The following AGBL1 variants were observed in gnomAD, a reference collection of about 807,000 sequenced individuals.
The protein encoded by AGBL1 is cytosolic carboxypeptidase 4.
Under a neutral mutation model 118.9 loss-of-function variants are expected in AGBL1, and 130 were observed. That is an observed-to-expected ratio of 1.09 (90% CI 0.95 to 1.26). The LOEUF is 1.26. Ranked by LOEUF, AGBL1 falls within the 50% of genes most tolerant of loss-of-function variation. AGBL1 has a pLI of 0.00. For synonymous variants in AGBL1, 555 were observed against 478.9 expected (o/e 1.16, Z -2.08); for missense variants, 1,584 against 1,298.1 (o/e 1.22, Z -3.38).
chr15:86,187,744 CT>C (rs2077655679), intron 5 of AGBL1, among the ~76,000 whole-genome samples: 1 of 152,196 alleles, frequency 6.6e-6, no homozygotes. Context: ...GTGACTATGA[CT>C]TTCACTGCTC....
intron 22 of AGBL1, among the ~76,000 whole-genome samples, chr15:86,884,284 A>C (rs549531729): frequency 1.3e-5 from 2 of 152,182 alleles, no homozygotes; most frequent in South Asian, 4.1e-4. Flanking sequence ...TAGTATACAC[A>C]GGGTGGGTTC....
chr15:86,868,413 C>T (rs1397667574), intron 22 of AGBL1, among the ~76,000 whole-genome samples: 1 of 152,146 alleles, frequency 6.6e-6, no homozygotes, highest in African/African-American at 2.4e-5. Context: ...TTAGAAAATC[C>T]TTTATGACTT....
intron 23 of AGBL1, among the ~76,000 whole-genome samples, chr15:86,960,437 A>G (rs553812217): frequency 1.3e-5 from 2 of 152,200 alleles, no homozygotes; most frequent in South Asian, 4.1e-4. Context: ...GATCAGATTC[A>G]AGTAGAGCTT....
chr15:86,720,330 A>G (rs568625522), intron 22 of AGBL1, among the ~76,000 whole-genome samples: 60 of 152,332 alleles, frequency 3.9e-4, no homozygotes, highest in African/African-American at 1.4e-3. Flanking sequence ...GGGGTCATCA[A>G]TGATTTCTTC....
chr15:86,722,888 A>C (rs962874440), intron 22 of AGBL1, among the ~76,000 whole-genome samples: 28 of 152,312 alleles, frequency 1.8e-4, no homozygotes, highest in African/African-American at 5.3e-4. Context: ...ATGCAGCCAA[A>C]AGACACATGA....
chr15:86,609,284 A>G (rs1475363886), intron 21 of AGBL1, among the ~76,000 whole-genome samples: 2 of 152,202 alleles, frequency 1.3e-5, no homozygotes, highest in Non-Finnish European at 2.9e-5. Context: ...CAAGAAAATC[A>G]GAAAGGAGGA....
intron 6 of AGBL1, among the ~76,000 whole-genome samples, chr15:86,233,443 T>C: frequency 6.6e-6 from 1 of 151,206 alleles, no homozygotes; most frequent in Non-Finnish European, 1.5e-5. Context: ...AAGCAAACAA[T>C]GGGGAGTAAG....
At chr15:86,727,038 G>C (rs149267204) in intron 22 of AGBL1, among the ~76,000 whole-genome samples, 1 of 152,056 alleles carries the variant, frequency 6.6e-6, no homozygotes, top group Non-Finnish European at 1.5e-5. Context: ...TGCAGAACAC[G>C]TTTAAACTCC....
chr15:86,130,036 C>T (rs181403499), intron 1 of AGBL1, among the ~76,000 whole-genome samples: 23 of 152,168 alleles, frequency 1.5e-4, no homozygotes, highest in African/African-American at 5.5e-4. Flanking sequence ...GTCATGGTGC[C>T]GTCTTAAGTT....
At chr15:86,140,486 C>T (rs1320047730) in intron 1 of AGBL1, among the ~76,000 whole-genome samples, 1 of 152,054 alleles carries the variant, frequency 6.6e-6, no homozygotes, top group Non-Finnish European at 1.5e-5. Context: ...ATGAAAGACC[C>T]CTTGTGCCAG....
intron 21 of AGBL1, among the ~76,000 whole-genome samples, chr15:86,633,614 G>A (rs2142443119): frequency 6.6e-6 from 1 of 151,636 alleles, no homozygotes; most frequent in East Asian, 1.9e-4. Flanking sequence ...TAAGTGGAAT[G>A]AATTAATCCC....
intron 22 of AGBL1, among the ~76,000 whole-genome samples, chr15:86,889,643 G>C (rs183209649): frequency 1.5e-3 from 227 of 152,168 alleles, no homozygotes; most frequent in Admixed American, 4.0e-3. Context: ...GAGAACATGT[G>C]GTGTTTGGTT....
chr15:86,997,801 C>G (rs1043399569), intron 24 of AGBL1, among the ~76,000 whole-genome samples: 9 of 151,508 alleles, frequency 5.9e-5, no homozygotes, highest in African/African-American at 2.2e-4. Context: ...AATATAAACA[C>G]CTGAACTGTG....
At chr15:86,403,060 A>G (rs16976779) in intron 18 of AGBL1, among the ~76,000 whole-genome samples, 5,337 of 152,220 alleles carry the variant, frequency 0.035, 193 homozygotes, top group African/African-American at 0.093. Context: ...TTCTTAGAGC[A>G]GAAGTGATAA....
At chr15:86,381,706 G>A (rs2081114870) in intron 17 of AGBL1, among the ~76,000 whole-genome samples, 1 of 152,192 alleles carries the variant, frequency 6.6e-6, no homozygotes, top group South Asian at 2.1e-4. Context: ...GTAACCAGAA[G>A]TCCAAGGGAG....
rs909305726 is a variant in AGBL1 at position 86,397,526 on chromosome 15, A to G, written c.2535A>G (p.Pro845=). 6.2e-7 allele frequency: 1 copy of G among 1,610,528 alleles called. No homozygotes were observed. Among genetic ancestry groups the G allele is most frequent in the East Asian group, 2.2e-5 (1 of 44,846 alleles). ...TCAAGATCATACCCATGCTCAACCC[A>G]GATGGTGTCATCAACGGCAAGTATG... ...FIFKIIPMLN[P]DGVINGNHRC... The change falls in exon 18 of 23, where the codon CCA becomes CCG. Residue 845 remains proline, a synonymous_variant. Transcript: ENST00000614907.
rs549778379 is a variant in AGBL1, at chr15:86,535,224, C to T, written c.2686-10778C>T. 5.9e-5 allele frequency among the ~76,000 whole-genome samples: 9 copies of T among 152,292 alleles called. No homozygotes were observed. In the South Asian group the frequency reaches 1.7e-3, roughly 28 times the overall value. ...CAGAAAGATCCAGCCAGAGAGGCGG[C>T]CTATAAGCAGAGAAGCCCAAAGAAG... On this transcript the variant is annotated intron_variant, in intron 19 of 22. Transcript: ENST00000614907.
chr15:86,616,374 G>GAAAAAAAAAAAAAAAAA (rs2084725990), intron 21 of AGBL1, among the ~76,000 whole-genome samples: 2 of 142,390 alleles, frequency 1.4e-5, no homozygotes, highest in African/African-American at 5.6e-5. Context: ...AAAAAAAAAT[G>GAAAAAAAAAAAAAAAAA]AAGATGGAAA....
chr15:86,816,042 T>C (rs528695107), intron 22 of AGBL1, among the ~76,000 whole-genome samples: 4 of 152,204 alleles, frequency 2.6e-5, no homozygotes, highest in East Asian at 3.9e-4. Flanking sequence ...GCCAGAAATA[T>C]GGGATAAGGA....
Sources: allele counts gnomAD v4.1 joint callset (sites outside exome capture counted in the v4.1 genomes callset), GRCh38; gene constraint gnomAD v4.1.1; transcripts MANE v1.5; gene names NCBI Gene and HGNC (gene_info 2026-07-23, HGNC 2026-07-21).